Variants in BMPR2 observed in about 807,000 individuals in gnomAD.
BMPR2 encodes the protein bone morphogenetic protein receptor type 2.
BMPR2 carries 29 observed loss-of-function variants against 100.8 expected under a neutral mutation model. The ratio of observed to expected loss-of-function variants is 0.29; its 90% confidence interval spans 0.21 to 0.39. BMPR2 has a LOEUF of 0.39. BMPR2 is among the 10% of genes least tolerant of loss of function. BMPR2 has a pLI of 1.00. For synonymous variants in BMPR2, 382 were observed against 442.3 expected (o/e 0.86, Z 1.71); for missense variants, 1,011 against 1,274.5 (o/e 0.79, Z 3.15).
intron 1 of BMPR2, among the ~76,000 whole-genome samples, chr2:202,399,878 G>A (rs867071687): frequency 6.6e-6 from 1 of 152,166 alleles, no homozygotes; most frequent in Admixed American, 6.5e-5. Context: ...TTGGGAGGCC[G>A]AGGCAGGAGG....
chr2:202,412,294 T>C lies in BMPR2; in HGVS notation c.76+34744T>C, dbSNP rs182676428. ...GAAACAAAACGAAATCACCAAAATC[T>C]ATCAATAAATTTCAGGTAATACTTT... is the stretch of plus-strand genomic sequence containing the variant. On this transcript the variant is annotated intron_variant, in intron 1 of 12. Coordinates refer to ENST00000374580, the MANE Select transcript of BMPR2 (RefSeq NM_001204.7). 4.5e-3 allele frequency among the ~76,000 whole-genome samples: 690 copies of C among 152,272 alleles called. 3 individuals are homozygous for C. Among genetic ancestry groups the C allele is most frequent in the African/African-American group, 0.015 (626 of 41,568 alleles).
chr2:202,429,689 C>CA (rs879360982), intron 1 of BMPR2, among the ~76,000 whole-genome samples: 7 of 152,148 alleles, frequency 4.6e-5, no homozygotes, highest in African/African-American at 1.7e-4. Flanking sequence ...TTAATTGACT[C>CA]ACAGTTCCAC....
chr2:202,514,205 G>A (rs780837661), intron 4 of BMPR2, among the ~76,000 whole-genome samples: 2 of 151,928 alleles, frequency 1.3e-5, no homozygotes, highest in African/African-American at 2.4e-5. Context: ...GCGCGATCTC[G>A]GCTCACTGCA....
chr2:202,562,460 A>G lies in BMPR2; in HGVS notation c.*2514A>G, dbSNP rs1688691638. On this transcript the variant is annotated 3_prime_UTR_variant, in exon 13 of 13. Coordinates refer to ENST00000374580, the MANE Select transcript of BMPR2 (RefSeq NM_001204.7). ...TATATATCATTTTTATAAATTTTAA[A>G]TTGTACATCAGACTTTTAAAATCTG... The G allele has an allele frequency of 6.5e-6, 1 of 152,726 alleles. No homozygotes were observed. Among genetic ancestry groups the G allele is most frequent in the East Asian group, 1.9e-4 (1 of 5,186 alleles). The allele number at this position is 152,726 out of a possible 1,614,324, so 9.5% of individuals were successfully genotyped here.
At chr2:202,429,905 G>A (rs190012719) in intron 1 of BMPR2, among the ~76,000 whole-genome samples, 3 of 152,158 alleles carry the variant, frequency 2.0e-5, no homozygotes, top group East Asian at 1.9e-4. Flanking sequence ...CCCTTGACAC[G>A]TGGGGATTAT....
At chr2:202,407,784 TA>T (rs1270196445) in intron 1 of BMPR2, among the ~76,000 whole-genome samples, 15 of 151,986 alleles carry the variant, frequency 9.9e-5, no homozygotes, top group African/African-American at 3.4e-4. Context: ...AAACTGTATT[TA>T]TACTTTATTC....
intron 1 of BMPR2, among the ~76,000 whole-genome samples, chr2:202,420,033 G>A (rs1691226914): frequency 6.6e-6 from 1 of 151,734 alleles, no homozygotes; most frequent in South Asian, 2.1e-4. Context: ...AATCCCAAAG[G>A]GAATGGAATG....
In BMPR2 at chr2:202,495,878, T is replaced by C. The variant is rs987148375; in HGVS notation, c.419-17841T>C. 6.6e-6 allele frequency among the ~76,000 whole-genome samples: 1 copy of C among 152,246 alleles called. No individual in the cohort carries two copies. The highest frequency in any genetic ancestry group is 1.5e-5 in the Non-Finnish European group (1 of 68,044). ...ATTTGAGAATAAAAGCAAAGAATGC[T>C]GAGCCTTCAAAAAACTGTATGAGAA... On this transcript the variant is annotated intron_variant, in intron 3 of 12. Coordinates refer to ENST00000374580, the MANE Select transcript of BMPR2 (RefSeq NM_001204.7). This position sits in a 1 kb window ranked among gnomAD's most constrained non-coding sequence, Gnocchi z 4.5.
At chr2:202,546,024 T>C (rs991631499) in intron 10 of BMPR2, among the ~76,000 whole-genome samples, 2 of 152,222 alleles carry the variant, frequency 1.3e-5, no homozygotes, top group African/African-American at 2.4e-5. Context: ...TTTTGAAATA[T>C]CTCTCGGCAA....
chr2:202,558,206 G>A lies in BMPR2; in HGVS notation c.2867-1490G>A, dbSNP rs1252251714. Among the ~76,000 whole-genome samples, 6 of 152,046 alleles carry A rather than the reference G, an allele frequency of 3.9e-5. No individual in the cohort carries two copies. The East Asian group carries it at 5.8e-4, about 15-fold the overall frequency. On this transcript the variant is annotated intron_variant, in intron 12 of 12. Coordinates refer to ENST00000374580, the MANE Select transcript of BMPR2 (RefSeq NM_001204.7). The stretch of plus-strand genomic sequence containing the variant: ...TGGTGGTCTGCAACCTCTGCCTCCC[G>A]GGTTCAAGTGATTCTCCTGCCTCAG...
At position 202,562,998 on chromosome 2, in the gene BMPR2, C is replaced by A. The variant is rs1200791588; in HGVS notation, c.*3052C>A. ...ATGAGGAAACTGAAGCTAAGAGAAG[C>A]TAAGTAATATGCCCAAGGTCCACAT... On this transcript the variant is annotated 3_prime_UTR_variant, in exon 13 of 13. Transcript: ENST00000374580. The A allele has an allele frequency of 6.6e-6, 1 of 152,146 alleles. No homozygotes were observed. Among genetic ancestry groups the A allele is most frequent in the Non-Finnish European group, 1.5e-5 (1 of 68,046 alleles). 9.4% of individuals were successfully genotyped at this position (152,146 alleles called of 1,614,324 possible).
intron 3 of BMPR2, among the ~76,000 whole-genome samples, chr2:202,476,544 T>C (rs925891555): frequency 6.6e-6 from 1 of 152,096 alleles, no homozygotes; most frequent in East Asian, 1.9e-4. Flanking sequence ...ATCCTAGCAC[T>C]TGGGGAGGCC....
intron 1 of BMPR2, among the ~76,000 whole-genome samples, chr2:202,389,136 G>T (rs1285084883): frequency 6.6e-6 from 1 of 151,444 alleles, no homozygotes; most frequent in Admixed American, 6.6e-5. Flanking sequence ...GAGGTGGGAG[G>T]CTCACTGAAG....
rs548679998 is a variant in BMPR2, at chr2:202,522,876, C to T, written c.967+2675C>T. 9.3e-4 allele frequency among the ~76,000 whole-genome samples: 142 copies of T among 152,196 alleles called. 1 individual carries two copies. The highest frequency in any genetic ancestry group is 3.3e-3 in the African/African-American group (139 of 41,524). On this transcript the variant is annotated intron_variant, in intron 7 of 12. Transcript: ENST00000374580. ...TCCTTTTCATACTCTGAACATTCTT[C>T]CTCTAAGATATACATGCGAGCATAC...
At chr2:202,388,421 C>A (rs4032752) in intron 1 of BMPR2, among the ~76,000 whole-genome samples, 13,421 of 93,160 alleles carry the variant, frequency 0.14, 869 homozygotes, top group South Asian at 0.33. Flanking sequence ...AAAAAAAAAA[C>A]ATTGTTTGTC....
chr2:202,395,172 A>T (rs1158760334), intron 1 of BMPR2, among the ~76,000 whole-genome samples: 1 of 152,052 alleles, frequency 6.6e-6, no homozygotes, highest in East Asian at 1.9e-4. Context: ...ATGCGCCACC[A>T]CGCCTGGCAA....
In BMPR2 at chr2:202,448,964, T is replaced by TG. The variant is rs1491516938; in HGVS notation, c.77-15845_77-15844insG. Among the ~76,000 whole-genome samples the TG allele has an allele frequency of 7.3e-5, 11 of 149,986 alleles. No homozygotes were observed. The East Asian group carries it at 2.2e-3, about 29-fold the overall frequency. On this transcript the variant is annotated intron_variant, in intron 1 of 12. Coordinates refer to ENST00000374580, the MANE Select transcript of BMPR2 (RefSeq NM_001204.7). ...GTGTGTGTGTGTGTGTGTGTGTGTATTTTTTGTTTTAATCAGCTTTTGCTT... is the reference window on the plus strand; with the variant it reads ...GTGTGTGTGTGTGTGTGTGTGTGTATGTTTTTGTTTTAATCAGCTTTTGCTT...
chr2:202,398,431 A>T (rs1200833912), intron 1 of BMPR2, among the ~76,000 whole-genome samples: 1 of 152,192 alleles, frequency 6.6e-6, no homozygotes, highest in Admixed American at 6.5e-5. Flanking sequence ...GTGTGCTGTT[A>T]TGCACCTAAT....
At position 202,520,207 on chromosome 2, in the gene BMPR2, A is replaced by G; in HGVS notation, c.967+6A>G. The G allele has an allele frequency of 1.3e-6, 2 of 1,588,608 alleles. No homozygotes were observed. Among genetic ancestry groups the G allele is most frequent in the Non-Finnish European group, 8.6e-7 (1 of 1,156,848 alleles). On this transcript the variant is annotated splice_donor_region_variant and intron_variant, in intron 7 of 12. Transcript: ENST00000374580. ...CACAGAATTACCACGAGGAGGTAAG[A>G]TAGTCAATAGATGAAATTGACACTC...
Sources: gnomAD v4.1 joint callset for allele counts (sites outside exome capture counted in the v4.1 genomes callset) on GRCh38, gnomAD v4.1.1 for gene constraint, Gnocchi (gnomAD v3.1) non-coding constraint, MANE v1.5 for transcripts, NCBI Gene and HGNC (gene_info 2026-07-23, HGNC 2026-07-21) for gene names.